The following PCDH15 variants were observed in gnomAD, a reference collection of about 807,000 sequenced individuals.
PCDH15 encodes the protein protocadherin related 15.
Under a neutral mutation model 178.5 loss-of-function variants are expected in PCDH15, and 129 were observed. That is an observed-to-expected ratio of 0.72 (90% confidence interval 0.63 to 0.84). PCDH15 has a LOEUF of 0.84. Ranked by LOEUF, PCDH15 falls within the 40% of genes least tolerant of loss-of-function variation. PCDH15 has a pLI of 0.00. For synonymous variants in PCDH15, 800 were observed against 732.0 expected (o/e 1.09, Z -1.50); for missense variants, 2,230 against 2,099.9 (o/e 1.06, Z -1.21).
chr10:54,309,253 AATAAT>A lies in PCDH15; in HGVS notation c.876+8013_876+8017del, dbSNP rs555305720. ...TACTTGATCTAGACTGTATAAAATA[AATAAT>A]ATATTTGGATAATCTACAATTACAA... is the stretch of plus-strand genomic sequence containing the variant. On this transcript the variant is annotated intron_variant, in intron 8 of 37. Transcript: ENST00000644397. Among the ~76,000 whole-genome samples the A allele has an allele frequency of 2.2e-3, 337 of 152,016 alleles. 1 individual carries two copies. Among genetic ancestry groups the A allele is most frequent in the African/African-American group, 5.5e-3 (229 of 41,484 alleles).
intron 2 of PCDH15, among the ~76,000 whole-genome samples, chr10:54,578,946 A>G (rs1001558474): frequency 1.3e-5 from 2 of 152,150 alleles, no homozygotes; most frequent in Non-Finnish European, 2.9e-5. Flanking sequence ...CAAGCAACTG[A>G]CAAGGGAATT....
intron 2 of PCDH15, among the ~76,000 whole-genome samples, chr10:55,130,505 C>G (rs1838010737): frequency 6.6e-6 from 1 of 152,062 alleles, no homozygotes; most frequent in Admixed American, 6.6e-5. Flanking sequence ...AGTTGGACTA[C>G]CAGGGGTCAA....
chr10:54,317,264 T>A lies in PCDH15; in HGVS notation c.876+7A>T, dbSNP rs1435301478. On this transcript the variant is annotated splice_region_variant and intron_variant, in intron 8 of 37. Transcript: ENST00000644397. ...AAATAAATGGAGAAAGATAAGAGTA[T>A]ATTTACCGGAGTTCTCAACTCAGGT... 1 of 1,611,534 alleles carries A rather than the reference T, an allele frequency of 6.2e-7. No individual in the cohort carries two copies. The highest frequency in any genetic ancestry group is 2.2e-5 in the East Asian group (1 of 44,834).
At chr10:55,156,362 G>C (rs1838889824) in intron 2 of PCDH15, among the ~76,000 whole-genome samples, 1 of 152,098 alleles carries the variant, frequency 6.6e-6, no homozygotes, top group South Asian at 2.1e-4. Context: ...GATGGTTGTG[G>C]TCTTTGGTAT....
At chr10:54,902,449 C>T (rs1372536881) in intron 2 of PCDH15, among the ~76,000 whole-genome samples, 2 of 152,126 alleles carry the variant, frequency 1.3e-5, no homozygotes, top group African/African-American at 4.8e-5. Context: ...GTGTGTAGCA[C>T]ATCCCCCTTT....
intron 3 of PCDH15, among the ~76,000 whole-genome samples, chr10:54,403,771 A>G (rs536707062): frequency 3.3e-5 from 5 of 152,030 alleles, no homozygotes; most frequent in Admixed American, 1.3e-4. Flanking sequence ...ACGTACAAAA[A>G]TCACTAGCAC....
intron 2 of PCDH15, among the ~76,000 whole-genome samples, chr10:54,557,369 C>G (rs537840621): frequency 6.6e-6 from 1 of 152,132 alleles, no homozygotes; most frequent in Non-Finnish European, 1.5e-5. Context: ...AGACACTATA[C>G]TTTCAGAATG....
intron 3 of PCDH15, among the ~76,000 whole-genome samples, chr10:54,521,753 C>T (rs760635413): frequency 1.3e-5 from 2 of 152,072 alleles, no homozygotes; most frequent in Non-Finnish European, 2.9e-5. Flanking sequence ...AATTGAATGA[C>T]TTAATGCATT....
At chr10:54,945,796 CA>C (rs1339435169) in intron 2 of PCDH15, among the ~76,000 whole-genome samples, 1 of 151,582 alleles carries the variant, frequency 6.6e-6, no homozygotes, top group Non-Finnish European at 1.5e-5. Context: ...ATAGAAGAAA[CA>C]AAAAATGTCA....
At chr10:54,797,462 C>G (rs1257624462) in intron 1 of PCDH15, among the ~76,000 whole-genome samples, 1 of 150,842 alleles carries the variant, frequency 6.6e-6, no homozygotes, top group African/African-American at 2.4e-5. Flanking sequence ...TGCTCAGAAA[C>G]TTTTACTCTT....
intron 2 of PCDH15, among the ~76,000 whole-genome samples, chr10:55,040,960 A>G (rs1389039834): frequency 1.3e-5 from 2 of 152,100 alleles, no homozygotes; most frequent in African/African-American, 2.4e-5. Context: ...ACACATAAAG[A>G]ACAAATGGCA....
At chr10:54,215,247 A>G (rs1591217093) in intron 9 of PCDH15, among the ~76,000 whole-genome samples, 1 of 152,310 alleles carries the variant, frequency 6.6e-6, no homozygotes, top group African/African-American at 2.4e-5. Context: ...CCAGGCTGCC[A>G]GATGTTAAAA....
chr10:54,494,199 C>T (rs2079894910), intron 3 of PCDH15, among the ~76,000 whole-genome samples: 1 of 151,820 alleles, frequency 6.6e-6, no homozygotes, highest in African/African-American at 2.4e-5. Flanking sequence ...AACTAACCTG[C>T]ACATTGTGCA....
At chr10:54,653,035 A>C (rs1246022227) in intron 2 of PCDH15, among the ~76,000 whole-genome samples, 2 of 152,312 alleles carry the variant, frequency 1.3e-5, no homozygotes, top group South Asian at 4.1e-4. Context: ...CCAGAAAATG[A>C]CACATAGGTA....
chr10:53,818,678 A>G (rs897832105), intron 33 of PCDH15, among the ~76,000 whole-genome samples: 2 of 152,140 alleles, frequency 1.3e-5, no homozygotes, highest in Non-Finnish European at 2.9e-5. Context: ...AGAAAAGAAT[A>G]TAGAGTTTTC....
chr10:54,618,705 A>C (rs1015179304), intron 2 of PCDH15, among the ~76,000 whole-genome samples: 2 of 152,072 alleles, frequency 1.3e-5, no homozygotes, highest in African/African-American at 4.8e-5. Flanking sequence ...CCAGTGGAGC[A>C]ATAATGAGTT....
Position 55,544,137 on chromosome 10 carries a change from T to TATAG in PCDH15, c.-156+83487_-156+83488insCTAT, listed in dbSNP as rs1841824454. Among the ~76,000 whole-genome samples, 5 of 51,736 alleles carry TATAG rather than the reference T, an allele frequency of 9.7e-5. 1 individual carries two copies. Among genetic ancestry groups the TATAG allele is most frequent in the African/African-American group, 3.0e-4 (5 of 16,476 alleles). The allele number at this position is 51,736 out of a possible 152,430, so 33.9% of individuals were successfully genotyped here. On this transcript the variant is annotated intron_variant, in intron 2 of 5. Transcript: ENST00000613346. ...TCCAGTTTTCCTCAAATCTTATACA[T>TATAG]ACATATATATATATATATATATATA...
intron 1 of PCDH15, among the ~76,000 whole-genome samples, chr10:54,677,223 A>T (rs2094805860): frequency 6.6e-6 from 1 of 152,026 alleles, no homozygotes; most frequent in Non-Finnish European, 1.5e-5. Context: ...TAGACAAAAT[A>T]AAAAAATTAG....
intron 3 of PCDH15, among the ~76,000 whole-genome samples, chr10:54,488,495 A>G (rs1195182814): frequency 6.6e-6 from 1 of 151,910 alleles, no homozygotes; most frequent in East Asian, 1.9e-4. Context: ...TACTATATGT[A>G]TTCATTAGCA....
Sources: allele counts gnomAD v4.1 joint callset (sites outside exome capture counted in the v4.1 genomes callset), GRCh38; gene constraint gnomAD v4.1.1; transcripts MANE v1.5; gene names NCBI Gene and HGNC (gene_info 2026-07-23, HGNC 2026-07-21).